Variants in PALM2AKAP2 observed in about 807,000 individuals in gnomAD.
PALM2AKAP2 encodes PALM2-AKAP2 fusion protein.
PALM2AKAP2 carries 37 observed loss-of-function variants against 71.5 expected under a neutral mutation model. That is an observed-to-expected ratio of 0.52 (90% confidence interval 0.40 to 0.68). The LOEUF (loss-of-function observed/expected upper bound fraction) is 0.68, where lower values mean the gene tolerates loss of function less well. PALM2AKAP2 is among the 30% of genes least tolerant of loss of function. The pLI, the probability that PALM2AKAP2 is intolerant of heterozygous loss-of-function variation, is 0.00. For synonymous variants in PALM2AKAP2, 468 were observed against 478.8 expected (o/e 0.98, Z 0.29); for missense variants, 1,224 against 1,191.8 (o/e 1.03, Z -0.40).
intron 6 of PALM2AKAP2, among the ~76,000 whole-genome samples, chr9:110,003,986 T>C (rs1457847350): frequency 6.6e-6 from 1 of 152,216 alleles, no homozygotes; most frequent in Admixed American, 6.5e-5. Flanking sequence ...TTTGTCTAAT[T>C]TGCCAGTCTG....
At chr9:109,859,409 A>G (rs1311742854) in intron 1 of PALM2AKAP2, among the ~76,000 whole-genome samples, 3 of 152,224 alleles carry the variant, frequency 2.0e-5, no homozygotes, top group Non-Finnish European at 4.4e-5. Context: ...AGATTTTAAC[A>G]TAGCTGGAAG....
At chr9:109,974,855 C>G (rs1832142668) in intron 6 of PALM2AKAP2, among the ~76,000 whole-genome samples, 1 of 152,154 alleles carries the variant, frequency 6.6e-6, no homozygotes, top group East Asian at 1.9e-4. Flanking sequence ...GAAGCAAGCA[C>G]AGATGCAGAC....
intron 1 of PALM2AKAP2, among the ~76,000 whole-genome samples, chr9:109,758,652 GA>G: frequency 6.6e-6 from 1 of 151,646 alleles, no homozygotes; most frequent in Non-Finnish European, 1.5e-5. Flanking sequence ...GATGTGCAAA[GA>G]AGTGGTAGTT....
intron 3 of PALM2AKAP2, among the ~76,000 whole-genome samples, chr9:109,889,709 G>A (rs973149680): frequency 6.6e-6 from 1 of 152,214 alleles, no homozygotes; most frequent in East Asian, 1.9e-4. Flanking sequence ...CAGGAGGCCT[G>A]CCAGATGTAC....
intron 1 of PALM2AKAP2, among the ~76,000 whole-genome samples, chr9:109,652,724 A>G (rs992715232): frequency 1.6e-4 from 24 of 152,244 alleles, no homozygotes; most frequent in African/African-American, 4.6e-4. Flanking sequence ...AGACACTTTT[A>G]TGGGTATCTG....
chr9:110,168,662 A>C, exon 4 of PALM2AKAP2: 1 of 855,768 alleles, frequency 1.2e-6, no homozygotes, highest in Non-Finnish European at 1.7e-6. Context: ...TGAAACGAAA[A>C]GGAAGTCCCC....
intron 1 of PALM2AKAP2, among the ~76,000 whole-genome samples, chr9:109,751,456 A>G (rs1009815934): frequency 2.0e-5 from 3 of 152,170 alleles, no homozygotes; most frequent in Admixed American, 1.3e-4. Flanking sequence ...TTTCTTTGCC[A>G]TCCGCGCTGA....
Position 109,677,935 on chromosome 9 carries a change from C to G in PALM2AKAP2, c.5+37069C>G, listed in dbSNP as rs558490379. 1.6e-4 allele frequency among the ~76,000 whole-genome samples: 24 copies of G among 152,212 alleles called. No homozygotes were observed. The South Asian group carries it at 5.0e-3, about 32-fold the overall frequency. ...TTAAGTTTGGGAATATTAATTAAAG[C>G]TGGGCAAAATTAGTACCCGATAAAC... On this transcript the variant is annotated intron_variant, in intron 1 of 6. Transcript: ENST00000374531.
rs374941945 is a variant in PALM2AKAP2, at chr9:109,886,518, C to T, written c.257+5837C>T. Among the ~76,000 whole-genome samples, 290 of 152,248 alleles carry T rather than the reference C, an allele frequency of 1.9e-3. 2 individuals carry two copies. Among genetic ancestry groups the T allele is most frequent in the African/African-American group, 6.6e-3 (274 of 41,544 alleles). On this transcript the variant is annotated intron_variant, in intron 3 of 9. Transcript: ENST00000302798. ...CTTATCAGTTGGGGGCAGACCAACC[C>T]CAGTGAAGATGAGAAACTTCATGGA...
At chr9:109,920,305 G>A (rs1432530155) in intron 3 of PALM2AKAP2, among the ~76,000 whole-genome samples, 3 of 152,150 alleles carry the variant, frequency 2.0e-5, no homozygotes, top group Non-Finnish European at 4.4e-5. Context: ...CAGTGGCTTG[G>A]GGAAGCATGT....
In PALM2AKAP2 at chr9:110,048,758, C is replaced by CTCCTGGACCCCT. The variant is rs1564278139; in HGVS notation, c.59_60insTCCTGGACCCCT (p.Pro20_Glu21insProGlyProLeu). 8 of 1,539,348 alleles carry CTCCTGGACCCCT rather than the reference C, an allele frequency of 5.2e-6. No individual in the cohort carries two copies. In the South Asian group the frequency reaches 9.5e-5, roughly 18 times the overall value. ...CTTCCCCCGGAGTCTCCTGGACCCC[C>CTCCTGGACCCCT]GGAGTCTCCTGGACCCCCGGAGCGG... On this transcript the variant is annotated inframe_insertion, in exon 1 of 4. Coordinates refer to ENST00000374525, the Ensembl canonical transcript of PALM2AKAP2.
chr9:109,844,343 C>T (rs1564176174), intron 1 of PALM2AKAP2, among the ~76,000 whole-genome samples: 1 of 152,124 alleles, frequency 6.6e-6, no homozygotes. Context: ...AGGGGATGTA[C>T]CATTGCAAAT....
intron 1 of PALM2AKAP2, among the ~76,000 whole-genome samples, chr9:109,750,608 G>A (rs1471364011): frequency 7.0e-6 from 1 of 143,144 alleles, no homozygotes; most frequent in African/African-American, 2.6e-5. Flanking sequence ...GTGTATGTGT[G>A]TGTGTCTGTG....
At chr9:109,669,912 A>T (rs917646035) in intron 1 of PALM2AKAP2, among the ~76,000 whole-genome samples, 2 of 150,340 alleles carry the variant, frequency 1.3e-5, no homozygotes, top group Non-Finnish European at 3.0e-5. Flanking sequence ...TTTCATTTTC[A>T]TTCTTTTTTT....
chr9:109,666,526 C>G (rs1363496628), intron 1 of PALM2AKAP2, among the ~76,000 whole-genome samples: 1 of 152,160 alleles, frequency 6.6e-6, no homozygotes, highest in Non-Finnish European at 1.5e-5. Flanking sequence ...GATATCACAA[C>G]CAGTTAAGCT....
chr9:110,081,551 G>T (rs1399830455), intron 1 of PALM2AKAP2, among the ~76,000 whole-genome samples: 1 of 152,064 alleles, frequency 6.6e-6, no homozygotes, highest in Non-Finnish European at 1.5e-5. Flanking sequence ...TACTGCTTGG[G>T]TCAATGTTCT....
intron 1 of PALM2AKAP2, among the ~76,000 whole-genome samples, chr9:109,664,328 G>T (rs1021441353): frequency 9.9e-5 from 15 of 152,118 alleles, no homozygotes; most frequent in Admixed American, 9.8e-4. Context: ...GGCTGGTACC[G>T]GTTGTTTCTT....
rs140414552 is a variant in PALM2AKAP2 at position 110,036,515 on chromosome 9, C to T, written c.582+20476C>T. Among the ~76,000 whole-genome samples, 8 of 152,206 alleles carry T rather than the reference C, an allele frequency of 5.3e-5. No individual in the cohort carries two copies. The East Asian group carries it at 1.5e-3, about 29-fold the overall frequency. On this transcript the variant is annotated intron_variant, in intron 7 of 9. Coordinates refer to the PALM2AKAP2 transcript ENST00000302798. ...CTTTCAGCCATTATCATCTCTTGCC[C>T]AGATTATTACAATAGCTTCTAAGTG...
intron 3 of PALM2AKAP2, among the ~76,000 whole-genome samples, chr9:109,908,927 G>A (rs1351371691): frequency 2.0e-5 from 3 of 151,866 alleles, no homozygotes; most frequent in Admixed American, 2.0e-4. Flanking sequence ...TTGGAAGAGA[G>A]GAATGCACCA....
Sources: gnomAD v4.1 joint callset for allele counts (sites outside exome capture counted in the v4.1 genomes callset) on GRCh38, gnomAD v4.1.1 for gene constraint, MANE v1.5 for transcripts, NCBI Gene and HGNC (gene_info 2026-07-23, HGNC 2026-07-21) for gene names.